The following IMMP2L variants were observed in gnomAD, a reference collection of about 807,000 sequenced individuals.
IMMP2L encodes the protein inner mitochondrial membrane peptidase subunit 2, also known as mitochondrial inner membrane protease subunit 2.
Under a neutral mutation model 19.3 loss-of-function variants are expected in IMMP2L, and 18 were observed. The observed-to-expected ratio is 0.93, with a 90% CI of 0.64 to 1.38. The LOEUF is 1.38. IMMP2L is among the 40% of genes most tolerant of loss of function. IMMP2L has a pLI of 0.00. For missense variants in IMMP2L, 233 were observed against 218.2 expected, an observed-to-expected ratio of 1.07 and a Z score of -0.43; for synonymous variants, 76 against 73.0, an observed-to-expected ratio of 1.04 and a Z score of -0.21.
At chr7:110,753,014 C>T (rs1746729836) in intron 5 of IMMP2L, among the ~76,000 whole-genome samples, 1 of 152,040 alleles carries the variant, frequency 6.6e-6, no homozygotes, top group Admixed American at 6.6e-5. Context: ...ATCATGGTTT[C>T]CATGAAGTTG....
chr7:111,109,162 A>G (rs909091568), intron 3 of IMMP2L, among the ~76,000 whole-genome samples: 2 of 152,196 alleles, frequency 1.3e-5, no homozygotes, highest in Non-Finnish European at 2.9e-5. Context: ...GACCAAATTA[A>G]AGAACAAACA....
intron 5 of IMMP2L, among the ~76,000 whole-genome samples, chr7:110,763,126 T>C (rs866408976): frequency 6.6e-6 from 1 of 152,082 alleles, no homozygotes; most frequent in African/African-American, 2.4e-5. Context: ...TTTCTTTCCT[T>C]CTTTGGGATA....
At chr7:110,773,294 G>T (rs1431611219) in intron 5 of IMMP2L, among the ~76,000 whole-genome samples, 1 of 152,132 alleles carries the variant, frequency 6.6e-6, no homozygotes, top group African/African-American at 2.4e-5. Context: ...CGATAATCTT[G>T]CAACTGCTTC....
At chr7:110,678,009 C>T (rs1792440548) in intron 5 of IMMP2L, among the ~76,000 whole-genome samples, 1 of 152,152 alleles carries the variant, frequency 6.6e-6, no homozygotes, top group Admixed American at 6.6e-5. Context: ...TTTTCTTCAT[C>T]CTCCCTGAAC....
chr7:110,980,224 C>CTT (rs1821130110), intron 3 of IMMP2L, among the ~76,000 whole-genome samples: 2 of 61,296 alleles, frequency 3.3e-5, no homozygotes, highest in African/African-American at 1.3e-4. Flanking sequence ...ATTTGTGCTG[C>CTT]TTCTTTTTTT....
chr7:110,664,981 G>C (rs1000435543), intron 5 of IMMP2L: 15 of 152,034 alleles, frequency 9.9e-5, no homozygotes, highest in African/African-American at 3.6e-4. Context: ...ATTGTCTAGG[G>C]ACTCGAAGAC....
intron 3 of IMMP2L, among the ~76,000 whole-genome samples, chr7:111,153,044 C>T (rs1417045702): frequency 6.6e-6 from 1 of 151,924 alleles, no homozygotes; most frequent in Non-Finnish European, 1.5e-5. Flanking sequence ...ATTCTAAAGG[C>T]CTTTAGGTAG....
chr7:111,117,966 AGTGGAT>A (rs768924220), intron 3 of IMMP2L, among the ~76,000 whole-genome samples: 1 of 152,138 alleles, frequency 6.6e-6, no homozygotes, highest in Non-Finnish European at 1.5e-5. Context: ...TCTAAAAGAC[AGTGGAT>A]TTTAAATCTT....
At chr7:111,099,739 A>C (rs143298109) in intron 3 of IMMP2L, 5 of 151,874 alleles carry the variant, frequency 3.3e-5, no homozygotes, top group African/African-American at 1.2e-4. Context: ...AACTAAAAAA[A>C]GAAATTCAAT....
chr7:111,450,339 C>G (rs1320428385), intron 3 of IMMP2L, among the ~76,000 whole-genome samples: 3 of 151,928 alleles, frequency 2.0e-5, no homozygotes, highest in Non-Finnish European at 4.4e-5. Flanking sequence ...ACCAAAACAG[C>G]ATGGTACTGG....
chr7:111,392,744 C>A (rs1832484187), intron 3 of IMMP2L: 1 of 456,430 alleles, frequency 2.2e-6, no homozygotes, highest in Admixed American at 2.4e-5. Flanking sequence ...CCTCCCCTCA[C>A]TTCAGGTTCA....
At chr7:110,898,148 T>G (rs1242335111) in intron 4 of IMMP2L, among the ~76,000 whole-genome samples, 1 of 151,334 alleles carries the variant, frequency 6.6e-6, no homozygotes, top group Non-Finnish European at 1.5e-5. Context: ...CATAAAATAT[T>G]TTATATATAC....
At chr7:111,308,383 G>A (rs910987951) in intron 3 of IMMP2L, among the ~76,000 whole-genome samples, 1 of 151,900 alleles carries the variant, frequency 6.6e-6, no homozygotes, top group African/African-American at 2.4e-5. Flanking sequence ...GGTGATGTAG[G>A]AATCTGGAGA....
At chr7:110,909,058 C>T (rs187925663) in intron 4 of IMMP2L, among the ~76,000 whole-genome samples, 1 of 152,226 alleles carries the variant, frequency 6.6e-6, no homozygotes, top group African/African-American at 2.4e-5. Context: ...GTGGAGAGAG[C>T]TACACAGGCA....
chr7:111,409,852 T>G (rs751141487), intron 3 of IMMP2L, among the ~76,000 whole-genome samples: 1 of 151,722 alleles, frequency 6.6e-6, no homozygotes. Context: ...AGGCATGTGA[T>G]TATTAACAAA....
intron 3 of IMMP2L, among the ~76,000 whole-genome samples, chr7:111,392,486 C>T (rs573876373): frequency 6.6e-6 from 1 of 152,262 alleles, no homozygotes; most frequent in South Asian, 2.1e-4. Context: ...TGGCCTTTAA[C>T]TCAATGCCTC....
intron 3 of IMMP2L, among the ~76,000 whole-genome samples, chr7:111,189,184 A>T (rs1200923536): frequency 2.0e-5 from 3 of 152,124 alleles, no homozygotes; most frequent in African/African-American, 7.2e-5. Flanking sequence ...GGCCCTACAG[A>T]ATTCCATTCT....
At chr7:111,560,487 A>T (rs1791910978) in intron 1 of IMMP2L, among the ~76,000 whole-genome samples, 1 of 152,216 alleles carries the variant, frequency 6.6e-6, no homozygotes, top group East Asian at 1.9e-4. Flanking sequence ...TGACTATAAC[A>T]TTATTCATTA....
chr7:111,398,047 G>A (rs1160005725), intron 3 of IMMP2L, among the ~76,000 whole-genome samples: 4 of 151,930 alleles, frequency 2.6e-5, no homozygotes, highest in African/African-American at 9.7e-5. Flanking sequence ...ATACAGAATT[G>A]GAGAGAGCTA....
Sources: allele counts gnomAD v4.1 joint callset (sites outside exome capture counted in the v4.1 genomes callset), GRCh38; gene constraint gnomAD v4.1.1; transcripts MANE v1.5; gene names NCBI Gene and HGNC (gene_info 2026-07-23, HGNC 2026-07-21).